RBBP6: variants seen among roughly 807,000 people sequenced by gnomAD.
RBBP6 encodes RB binding protein 6, ubiquitin ligase.
In RBBP6, 25 loss-of-function variants were observed where a neutral mutation model predicts 167.7. The ratio of observed to expected loss-of-function variants is 0.15; its 90% CI spans 0.11 to 0.21. The LOEUF is 0.21. RBBP6 is among the 10% of genes least tolerant of loss of function. The probability of loss-of-function intolerance (pLI) is 1.00; values close to 1 mark genes in which losing one functional copy is unlikely to be tolerated. For synonymous variants in RBBP6, 789 were observed against 735.8 expected, an observed-to-expected ratio of 1.07 and a Z score of -1.17; for missense variants, 1,868 against 2,134.2, an observed-to-expected ratio of 0.88 and a Z score of 2.46.
At chr16:24,564,372 A>G (rs1020341540) in intron 13 of RBBP6, among the ~76,000 whole-genome samples, 1 of 152,316 alleles carries the variant, frequency 6.6e-6, no homozygotes, top group African/African-American at 2.4e-5. Flanking sequence ...TCCTAGCTGC[A>G]TGACAGTGGT....
rs545651834 is a variant in RBBP6, at chr16:24,569,913, T to C, written c.3223T>C (p.Ser1075Pro). 2 of 1,609,248 alleles carry C rather than the reference T, an allele frequency of 1.2e-6. No homozygotes were observed. Among genetic ancestry groups the C allele is most frequent in the Admixed American group, 1.7e-5 (1 of 58,798 alleles). Residue 1075 changes from serine (S) to proline (P), a missense_variant, in exon 17 of 18, where the codon TCA becomes CCA. By Grantham distance (74) the Ser-to-Pro change is moderately conservative (BLOSUM62 -1). This residue lies in a region of RBBP6 where 673 missense variants were observed against 691.5 expected (regional missense o/e 0.97). Transcript: ENST00000319715. ...TCCGAAGACTGACAATACTAAATCA[T>C]CATCTTCCTCTCAGAAGGATGAAAA... ...ETPKTDNTKSSSSSQKDEKIT... is the reference protein window; with the variant it reads ...ETPKTDNTKSPSSSQKDEKIT...
chr16:24,564,983 T>C, intron 14 of RBBP6, 118 bp downstream of exon 14: 2 of 1,427,340 alleles, frequency 1.4e-6, no homozygotes, highest in Non-Finnish European at 1.8e-6. Flanking sequence ...TGTATTGTGC[T>C]TATCCCTCTT....
At position 24,571,783 on chromosome 16, in the gene RBBP6, G is replaced by T; in HGVS notation, c.4717G>T (p.Val1573Leu). 1 of 1,613,926 alleles carries T rather than the reference G, an allele frequency of 6.2e-7. No individual in the cohort carries two copies. Among genetic ancestry groups the T allele is most frequent in the Non-Finnish European group, 8.5e-7 (1 of 1,179,848 alleles). ...KNPCKDREKH[V>L]LEARNNKESS... The stretch of plus-strand genomic sequence containing the variant: ...TCCTTGTAAGGATCGTGAGAAGCAT[G>T]TATTAGAAGCAAGGAACAATAAAGA... The change falls in exon 18 of 18, where the codon GTA (valine) becomes TTA (leucine). Residue 1573 changes from valine (V) to leucine (L), a missense_variant. Physicochemically the swap from Val to Leu is conservative, Grantham distance 32. Transcript: ENST00000319715.
chr16:24,552,298 A>G (rs892341562), intron 3 of RBBP6, among the ~76,000 whole-genome samples: 4 of 151,908 alleles, frequency 2.6e-5, no homozygotes, highest in African/African-American at 9.6e-5. Flanking sequence ...GACTGGTTAC[A>G]TTTGTCTTTG....
intron 7 of RBBP6, among the ~76,000 whole-genome samples, chr16:24,558,038 CAG>C (rs1898960840): frequency 6.6e-6 from 1 of 152,138 alleles, no homozygotes; most frequent in African/African-American, 2.4e-5. Flanking sequence ...GTTTCTAATT[CAG>C]AGACATTTCA....
chr16:24,566,661 G>C (rs923814476), intron 14 of RBBP6, among the ~76,000 whole-genome samples: 1 of 152,172 alleles, frequency 6.6e-6, no homozygotes, highest in Non-Finnish European at 1.5e-5. Flanking sequence ...GAATTCGCTT[G>C]AACCCAGGAG....
At chr16:24,557,115 C>T (rs949666537) in intron 7 of RBBP6, among the ~76,000 whole-genome samples, 3 of 151,246 alleles carry the variant, frequency 2.0e-5, no homozygotes, top group Non-Finnish European at 2.9e-5. Flanking sequence ...TTTCCTGCCT[C>T]AGCCTCCTGA....
chr16:24,566,762 A>G (rs1365923701), intron 14 of RBBP6, among the ~76,000 whole-genome samples: 1 of 152,156 alleles, frequency 6.6e-6, no homozygotes, highest in Non-Finnish European at 1.5e-5. Flanking sequence ...AAATAAATGA[A>G]TAAGTAAGCT....
intron 1 of RBBP6, among the ~76,000 whole-genome samples, chr16:24,542,444 A>G (rs969607355): frequency 6.7e-6 from 1 of 150,274 alleles, no homozygotes; most frequent in Non-Finnish European, 1.5e-5. Flanking sequence ...TCGACCCAAC[A>G]ATTGAATGCA....
rs778513223 is a variant in RBBP6 at position 24,571,344 on chromosome 16, G to A, written c.4278G>A (p.Glu1426=). The A allele has an allele frequency of 6.2e-7, 1 of 1,614,126 alleles. No homozygotes were observed. Among genetic ancestry groups the A allele is most frequent in the South Asian group, 1.1e-5 (1 of 91,076 alleles). Residue 1426 remains glutamate (E), a synonymous_variant, in exon 18 of 18, where the codon GAG becomes GAA. Coordinates refer to ENST00000319715, the MANE Select transcript of RBBP6 (RefSeq NM_006910.5). The stretch of plus-strand genomic sequence containing the variant: ...AGAGGAAGAACAGCACTCAGCCAGA[G>A]AAAGAGAGTAATTTGGACCGTCTGA... ...PEKRKNSTQP[E]KESNLDRLNE...
Position 24,572,136 on chromosome 16 carries a change from T to G in RBBP6, c.5070T>G (p.Asn1690Lys). The G allele has an allele frequency of 5.6e-6, 9 of 1,613,966 alleles. No individual in the cohort carries two copies. The highest frequency in any genetic ancestry group is 7.6e-6 in the Non-Finnish European group (9 of 1,179,996). Residue 1690 changes from asparagine to lysine, a missense_variant, in exon 18 of 18, where the codon AAT (asparagine) becomes AAG (lysine). Physicochemically the swap from Asn to Lys is moderately conservative, Grantham distance 94. Around this residue, in one of 7 missense-constraint regions of RBBP6, gnomAD observed 591 missense variants for 540.5 expected, o/e 1.09. Transcript: ENST00000319715. Reference sequence around the variant, plus strand: ...TTGTCCAGGTGGGCATAAGCAGGAATCAGAGCCACAGCAGCCCCAGCGTCA... The same window carrying G: ...TTGTCCAGGTGGGCATAAGCAGGAAGCAGAGCCACAGCAGCCCCAGCGTCA... Reference protein sequence around the residue: ...AAVVQVGISRNQSHSSPSVSP... With the variant: ...AAVVQVGISRKQSHSSPSVSP...
chr16:24,542,649 G>A (rs1351917317), intron 1 of RBBP6, among the ~76,000 whole-genome samples: 1 of 152,094 alleles, frequency 6.6e-6, no homozygotes, highest in Non-Finnish European at 1.5e-5. Context: ...TTTTAGTAGA[G>A]ATGGGGTTTT....
At chr16:24,550,263 C>G (rs1447659477) in intron 3 of RBBP6, among the ~76,000 whole-genome samples, 1 of 151,408 alleles carries the variant, frequency 6.6e-6, no homozygotes. Context: ...GAGTATATGG[C>G]CTTTAGTTCT....
chr16:24,549,672 A>G (rs12051373), intron 3 of RBBP6, among the ~76,000 whole-genome samples: 28,317 of 151,782 alleles, frequency 0.19, 3,089 homozygotes, highest in Non-Finnish European at 0.25. Flanking sequence ...CCCCCTATGA[A>G]TATATAAGTG....
chr16:24,546,321 G>A, intron 2 of RBBP6, 59 bp downstream of exon 2: 1 of 1,439,570 alleles, frequency 6.9e-7, no homozygotes, highest in Non-Finnish European at 9.1e-7. Context: ...TTTTAATTTT[G>A]TGAGAAAAAA....
At chr16:24,552,885 A>G (rs925152362) in intron 3 of RBBP6, 1 of 151,916 alleles carries the variant, frequency 6.6e-6, no homozygotes, top group African/African-American at 2.4e-5. Context: ...ATAATAAGTG[A>G]CAGCTCTGTT....
chr16:24,551,275 G>A (rs373198347), intron 3 of RBBP6, among the ~76,000 whole-genome samples: 24 of 151,798 alleles, frequency 1.6e-4, no homozygotes, highest in African/African-American at 4.3e-4. Flanking sequence ...GCATCAGTCC[G>A]TTTTGTGAGG....
At chr16:24,545,575 C>G (rs1166127636) in intron 1 of RBBP6, among the ~76,000 whole-genome samples, 1 of 152,022 alleles carries the variant, frequency 6.6e-6, no homozygotes, top group Non-Finnish European at 1.5e-5. Context: ...CTGAAATAGT[C>G]CTCAACCAGT....
In RBBP6 at chr16:24,572,489, A is replaced by G; in HGVS notation, c.*44A>G. 6.7e-7 allele frequency: 1 copy of G among 1,486,106 alleles called. No homozygotes were observed. Among genetic ancestry groups the G allele is most frequent in the Non-Finnish European group, 8.9e-7 (1 of 1,125,488 alleles). The allele number at this position is 1,486,106 out of a possible 1,614,324, so 92.1% of individuals were successfully genotyped here. On this transcript the variant is annotated 3_prime_UTR_variant, in exon 18 of 18. Transcript: ENST00000319715. ...TTGACTTAATTACTAAGTCATCTGT[A>G]TTAAATTTTGTTATAATGTAAAGAG...
Sources: gnomAD v4.1 joint callset for allele counts (sites outside exome capture counted in the v4.1 genomes callset) on GRCh38, gnomAD v4.1.1 for gene constraint, gnomAD v4.1.1 regional missense constraint, MANE v1.5 for transcripts, NCBI Gene and HGNC (gene_info 2026-07-23, HGNC 2026-07-21) for gene names.